The following PCYOX1 variants were observed in gnomAD, a reference collection of about 807,000 sequenced individuals.
PCYOX1 encodes the protein prenylcysteine oxidase 1, also known as prenylcysteine lyase.
PCYOX1 carries 46 observed loss-of-function variants against 46.4 expected under a neutral mutation model. That is an observed-to-expected ratio of 0.99 (90% confidence interval 0.78 to 1.27). The LOEUF (loss-of-function observed/expected upper bound fraction) is 1.27, where lower values mean the gene tolerates loss of function less well. PCYOX1 is among the 50% of genes most tolerant of loss of function. The pLI is 0.00. For synonymous variants in PCYOX1, 220 were observed against 231.8 expected, an observed-to-expected ratio of 0.95 and a Z score of 0.46; for missense variants, 658 against 628.3, an observed-to-expected ratio of 1.05 and a Z score of -0.51.
rs1467822409 is a variant in PCYOX1, at chr2:70,280,043, GCACT to G, written c.*2653_*2656del. ...TGCAGTGAGCAGAGATCGCACCACT[GCACT>G]CCAGCCTGGGCAAGAGTGAGACTGT... On this transcript the variant is annotated 3_prime_UTR_variant, in exon 6 of 6. Transcript: ENST00000433351. 1 of 152,004 alleles carries G rather than the reference GCACT, an allele frequency of 6.6e-6. No individual in the cohort carries two copies. Among genetic ancestry groups the G allele is most frequent in the Non-Finnish European group, 1.5e-5 (1 of 68,038 alleles). The allele number at this position is 152,004 out of a possible 1,614,324, so 9.4% of individuals were successfully genotyped here. A position where few individuals can be genotyped will look rare whatever the true frequency, so the allele number is the denominator to read the frequency against.
intron 3 of PCYOX1, among the ~76,000 whole-genome samples, chr2:70,273,709 A>G (rs1573982889): frequency 6.6e-6 from 1 of 152,236 alleles, no homozygotes; most frequent in Admixed American, 6.5e-5. Flanking sequence ...ACTATTTGCA[A>G]CATGAAAAAT....
At chr2:70,268,178 A>G (rs1486083729) in intron 3 of PCYOX1, among the ~76,000 whole-genome samples, 2 of 152,068 alleles carry the variant, frequency 1.3e-5, no homozygotes, top group African/African-American at 4.8e-5. Context: ...AAACCAAGAC[A>G]CCTCCTAAAT....
At chr2:70,261,513 T>C (rs1469191422) in intron 3 of PCYOX1, 127 bp downstream of exon 3, 1 of 640,438 alleles carries the variant, frequency 1.6e-6, no homozygotes, top group East Asian at 2.7e-5. Context: ...TTTATAACAT[T>C]GTTAGGCAAA....
At chr2:70,275,389 T>A (rs916547923) in intron 4 of PCYOX1, 125 bp from the exon 5 acceptor site, 1 of 1,040,404 alleles carries the variant, frequency 9.6e-7, no homozygotes, top group Non-Finnish European at 1.4e-6. Context: ...GAGATTTTGC[T>A]CCCAGGGGCC....
intron 3 of PCYOX1, among the ~76,000 whole-genome samples, chr2:70,273,169 C>T (rs1403910699): frequency 6.6e-6 from 1 of 152,076 alleles, no homozygotes. Flanking sequence ...TTTTTTATAG[C>T]ATCATTAGTA....
At chr2:70,259,274 C>T (rs1402987749) in intron 1 of PCYOX1, 86 bp from the exon 2 acceptor site, 167 of 1,209,154 alleles carry the variant, frequency 1.4e-4, no homozygotes, top group Non-Finnish European at 1.3e-5. Context: ...GTAACAACCT[C>T]TGCTATTGAT....
intron 3 of PCYOX1, among the ~76,000 whole-genome samples, chr2:70,266,707 C>T (rs1696528301): frequency 6.6e-6 from 1 of 152,076 alleles, no homozygotes; most frequent in Non-Finnish European, 1.5e-5. Flanking sequence ...TTTAACAAAG[C>T]ACATCTTGCA....
intron 5 of PCYOX1, 34 bp from the exon 6 acceptor site, chr2:70,276,700 A>G: frequency 7.8e-7 from 1 of 1,274,352 alleles, no homozygotes; most frequent in Non-Finnish European, 1.1e-6. Flanking sequence ...TGTTAGAAAC[A>G]CTAAACAAAT....
At chr2:70,258,025 G>A, upstream of PCYOX1, 1 of 576,288 alleles carries the variant, frequency 1.7e-6, no homozygotes, top group Non-Finnish European at 2.8e-6. Context: ...GCGGGGCGAG[G>A]TCGGGGCGGG....
rs1398002469 is a variant in PCYOX1, at chr2:70,280,084, A to G, written c.*2692A>G. 6.7e-6 allele frequency: 1 copy of G among 148,428 alleles called. No individual in the cohort carries two copies. The highest frequency in any genetic ancestry group is 1.5e-5 in the Non-Finnish European group (1 of 66,726). The allele number at this position is 148,428 out of a possible 1,614,324, so 9.2% of individuals were successfully genotyped here. A position where few individuals can be genotyped will look rare whatever the true frequency, so the allele number is the denominator to read the frequency against. ...AAGAGTGAGACTGTGTCTCAAAAGGAAAAAAAAAAAATTAAAAATGTTGCT... is the reference window on the plus strand; with the variant it reads ...AAGAGTGAGACTGTGTCTCAAAAGGGAAAAAAAAAAATTAAAAATGTTGCT... On this transcript the variant is annotated 3_prime_UTR_variant, in exon 6 of 6. Coordinates refer to ENST00000433351, the MANE Select transcript of PCYOX1 (RefSeq NM_016297.4).
rs917713909 is a variant in PCYOX1, at chr2:70,280,027, C to G, written c.*2635C>G. 8.6e-5 allele frequency: 13 copies of G among 151,934 alleles called. No individual in the cohort carries two copies. Among genetic ancestry groups the G allele is most frequent in the Admixed American group, 7.9e-4 (12 of 15,240 alleles). The allele number at this position is 151,934 out of a possible 1,614,324, so 9.4% of individuals were successfully genotyped here. ...CCCTGGAGATGGAGGTTGCAGTGAG[C>G]AGAGATCGCACCACTGCACTCCAGC... is the stretch of plus-strand genomic sequence containing the variant. On this transcript the variant is annotated 3_prime_UTR_variant, in exon 6 of 6. Transcript: ENST00000433351.
intron 3 of PCYOX1, among the ~76,000 whole-genome samples, chr2:70,273,658 G>T (rs139476647): frequency 6.6e-6 from 1 of 152,052 alleles, no homozygotes; most frequent in South Asian, 2.1e-4. Context: ...GATAAACCCC[G>T]TATTACTTAT....
At chr2:70,275,191 G>GT (rs751937451) in intron 4 of PCYOX1, 21 bp downstream of exon 4, 1 of 1,581,174 alleles carries the variant, frequency 6.3e-7, no homozygotes, top group Non-Finnish European at 8.7e-7. Flanking sequence ...GCTTGAAACA[G>GT]TGGTGGACAT....
intron 3 of PCYOX1, among the ~76,000 whole-genome samples, chr2:70,268,301 G>T (rs568849730): frequency 1.2e-3 from 186 of 152,180 alleles, no homozygotes; most frequent in South Asian, 2.3e-3. Context: ...ACCTTCAGTG[G>T]CTATTTCATT....
In PCYOX1 at chr2:70,277,139, T is replaced by C. The variant is rs1363416528; in HGVS notation, c.1265T>C (p.Phe422Ser). Residue 422 changes from phenylalanine (F) to serine (S), a missense_variant, in exon 6 of 6, where the codon TTT becomes TCT. Physicochemically the swap from Phe to Ser is radical, Grantham distance 155. Coordinates refer to ENST00000433351, the MANE Select transcript of PCYOX1 (RefSeq NM_016297.4). Reference protein sequence around the residue: ...TLTKAQILKLFLSYDYAVKKP... With the variant: ...TLTKAQILKLSLSYDYAVKKP... ...ACTAAAGCACAAATTTTAAAGCTCTTTCTGTCCTATGATTATGCTGTGAAG... is the reference window on the plus strand; with the variant it reads ...ACTAAAGCACAAATTTTAAAGCTCTCTCTGTCCTATGATTATGCTGTGAAG... 1 of 1,614,204 alleles carries C rather than the reference T, an allele frequency of 6.2e-7. No individual in the cohort carries two copies. The highest frequency in any genetic ancestry group is 8.5e-7 in the Non-Finnish European group (1 of 1,180,028).
intron 1 of PCYOX1, among the ~76,000 whole-genome samples, chr2:70,258,700 A>G (rs908931479): frequency 1.3e-5 from 2 of 152,212 alleles, no homozygotes; most frequent in African/African-American, 4.8e-5. Flanking sequence ...CAGCACAGGG[A>G]GGAGTGCAAA....
chr2:70,274,913 C>A (rs1181660836), intron 3 of PCYOX1, 46 bp from the exon 4 acceptor site: 1 of 1,172,702 alleles, frequency 8.5e-7, no homozygotes, highest in East Asian at 2.3e-5. Context: ...CATCCCCTTC[C>A]CCACATCTTG....
At position 70,279,407 on chromosome 2, in the gene PCYOX1, A is replaced by C. The variant is rs1696733202; in HGVS notation, c.*2015A>C. 6.6e-6 allele frequency: 1 copy of C among 152,240 alleles called. No individual in the cohort carries two copies. Among genetic ancestry groups the C allele is most frequent in the Non-Finnish European group, 1.5e-5 (1 of 68,054 alleles). The allele number at this position is 152,240 out of a possible 1,614,324, so 9.4% of individuals were successfully genotyped here. On this transcript the variant is annotated 3_prime_UTR_variant, in exon 6 of 6. Coordinates refer to ENST00000433351, the MANE Select transcript of PCYOX1 (RefSeq NM_016297.4). The stretch of plus-strand genomic sequence containing the variant: ...AAGTAATACTGTTATGTATATGCTA[A>C]ATGTTGGTAAATACTAATTAATTTC...
intron 3 of PCYOX1, among the ~76,000 whole-genome samples, chr2:70,268,497 G>A (rs1442524439): frequency 1.3e-5 from 2 of 152,046 alleles, no homozygotes; most frequent in African/African-American, 2.4e-5. Context: ...GTTAAAATGA[G>A]GTCTTTAGCG....
Sources: allele counts gnomAD v4.1 joint callset (sites outside exome capture counted in the v4.1 genomes callset), GRCh38; gene constraint gnomAD v4.1.1; transcripts MANE v1.5; gene names NCBI Gene and HGNC (gene_info 2026-07-23, HGNC 2026-07-21).